Variants in RANBP2 observed in about 807,000 individuals in gnomAD.
The protein encoded by RANBP2 is E3 SUMO-protein ligase RanBP2.
RANBP2 carries 57 observed loss-of-function variants against 303.6 expected under a neutral mutation model. That is an observed-to-expected ratio of 0.19 (90% confidence interval 0.15 to 0.23). The LOEUF (loss-of-function observed/expected upper bound fraction) is 0.23. Among genes scored for constraint, RANBP2 ranks in the 10% least tolerant of loss-of-function variants. The pLI is 1.00. For synonymous variants in RANBP2, 1,167 were observed against 1,301.5 expected (o/e 0.90, Z 2.23); for missense variants, 3,138 against 3,780.8 (o/e 0.83, Z 4.46).
the RANBP2 span, among the ~76,000 whole-genome samples, chr2:109,430,693 G>A: frequency 1.3e-5 from 2 of 152,214 alleles, no homozygotes; most frequent in African/African-American, 4.8e-5. Flanking sequence ...GATGGGAACA[G>A]AATCACACCC....
chr2:108,998,389 C>T, the RANBP2 span, among the ~76,000 whole-genome samples: 8 of 152,124 alleles, frequency 5.3e-5, no homozygotes, highest in African/African-American at 1.4e-4. Context: ...GCCCAGGCTT[C>T]GTCTTTTAAG....
chr2:109,037,698 C>A, the RANBP2 span, among the ~76,000 whole-genome samples: 1 of 152,102 alleles, frequency 6.6e-6, no homozygotes, highest in Non-Finnish European at 1.5e-5. Flanking sequence ...AACACAATAC[C>A]ATTTATGACA....
the RANBP2 span, among the ~76,000 whole-genome samples, chr2:109,000,551 A>C: frequency 6.6e-6 from 1 of 151,948 alleles, no homozygotes; most frequent in Non-Finnish European, 1.5e-5. Context: ...ACAAACAAAA[A>C]CCCAAAATAA....
the RANBP2 span, among the ~76,000 whole-genome samples, chr2:109,216,063 G>C: frequency 6.6e-6 from 1 of 152,178 alleles, no homozygotes; most frequent in Non-Finnish European, 1.5e-5. Context: ...AGACAGCCAA[G>C]CAGTCAGTCT....
the RANBP2 span, among the ~76,000 whole-genome samples, chr2:108,912,992 A>T: frequency 6.8e-6 from 1 of 146,350 alleles, no homozygotes; most frequent in Non-Finnish European, 1.5e-5. Flanking sequence ...TCTGTTGCCC[A>T]GGCTACAGTG....
chr2:109,617,532 A>G, the RANBP2 span: 1 of 167,114 alleles, frequency 6.0e-6, no homozygotes, highest in African/African-American at 2.4e-5. Flanking sequence ...AATTTAAACA[A>G]GTCCTCCTTT....
the RANBP2 span, among the ~76,000 whole-genome samples, chr2:109,652,491 C>T: frequency 6.6e-6 from 1 of 152,204 alleles, no homozygotes; most frequent in African/African-American, 2.4e-5. Flanking sequence ...TCCCAAAGTG[C>T]TAGGATTACA....
At chr2:108,932,345 G>C in the RANBP2 span, among the ~76,000 whole-genome samples, 1 of 151,854 alleles carries the variant, frequency 6.6e-6, no homozygotes, top group Non-Finnish European at 1.5e-5. Flanking sequence ...TGGCTAACAA[G>C]GTGAAACCTC....
At chr2:109,481,412 G>A in the RANBP2 span, among the ~76,000 whole-genome samples, 1 of 152,208 alleles carries the variant, frequency 6.6e-6, no homozygotes, top group African/African-American at 2.4e-5. Flanking sequence ...ACAGGCCAGA[G>A]ACTGGTGTAT....
chr2:109,199,149 G>C, the RANBP2 span, among the ~76,000 whole-genome samples: 3 of 151,830 alleles, frequency 2.0e-5, no homozygotes, highest in Non-Finnish European at 4.4e-5. Flanking sequence ...CACAAGGTCA[G>C]GAGATCGAGA....
the RANBP2 span, among the ~76,000 whole-genome samples, chr2:109,149,083 C>T: frequency 1.3e-5 from 2 of 152,114 alleles, no homozygotes; most frequent in Admixed American, 6.5e-5. Context: ...TTGAGTGCCT[C>T]ATGCAGGCCA....
intron 1 of RANBP2, among the ~76,000 whole-genome samples, chr2:108,723,995 C>G (rs1372963914): frequency 6.6e-6 from 1 of 152,188 alleles, no homozygotes; most frequent in African/African-American, 2.4e-5. Context: ...TGCTACACAG[C>G]TGTGCTCTTG....
chr2:109,710,858 G>A, the RANBP2 span, among the ~76,000 whole-genome samples: 1 of 152,080 alleles, frequency 6.6e-6, no homozygotes, highest in African/African-American at 2.4e-5. Context: ...AAAATGGGAT[G>A]GTTGATGATT....
At chr2:109,254,796 C>A in the RANBP2 span, among the ~76,000 whole-genome samples, 1 of 152,182 alleles carries the variant, frequency 6.6e-6, no homozygotes, top group East Asian at 1.9e-4. Context: ...CCAGTTAAGC[C>A]AACAGATGGG....
At chr2:109,379,524 C>A in the RANBP2 span, among the ~76,000 whole-genome samples, 1 of 152,224 alleles carries the variant, frequency 6.6e-6, no homozygotes, top group Non-Finnish European at 1.5e-5. Flanking sequence ...GATGCCACAT[C>A]AGAAGGGATG....
At chr2:109,285,335 G>C in the RANBP2 span, among the ~76,000 whole-genome samples, 1 of 152,188 alleles carries the variant, frequency 6.6e-6, no homozygotes, top group South Asian at 2.1e-4. Flanking sequence ...TTCATGGTGG[G>C]GTTAAGCCAG....
the RANBP2 span, among the ~76,000 whole-genome samples, chr2:109,478,048 G>C: frequency 6.6e-6 from 1 of 152,198 alleles, no homozygotes. Flanking sequence ...AGAGACCCTG[G>C]GGAGGAGGTC....
chr2:108,930,179 G>GA, the RANBP2 span: 1 of 1,614,086 alleles, frequency 6.2e-7, no homozygotes, highest in Non-Finnish European at 8.5e-7. Context: ...CCCGTAGTCT[G>GA]GTTGTAGTAC....
chr2:109,436,860 C>G, the RANBP2 span: 2 of 1,605,242 alleles, frequency 1.2e-6, no homozygotes, highest in South Asian at 2.2e-5. Context: ...CTCTGAGCCT[C>G]TCATCAGAAT....
Sources: allele counts gnomAD v4.1 joint callset (sites outside exome capture counted in the v4.1 genomes callset), GRCh38; gene constraint gnomAD v4.1.1; transcripts MANE v1.5; gene names NCBI Gene and HGNC (gene_info 2026-07-23, HGNC 2026-07-21).